GLDC: variants seen among roughly 807,000 people sequenced by gnomAD.
GLDC encodes glycine dehydrogenase (decarboxylating), mitochondrial.
GLDC carries 104 observed loss-of-function variants against 121.3 expected under a neutral mutation model. The observed-to-expected ratio is 0.86, with a 90% CI of 0.73 to 1.01. The LOEUF is 1.01. Among genes scored for constraint, GLDC ranks in the 50% least tolerant of loss-of-function variants. The probability of loss-of-function intolerance (pLI) is 0.00; values close to 1 mark genes in which losing one functional copy is unlikely to be tolerated. For missense variants in GLDC, 1,429 were observed against 1,306.6 expected (o/e 1.09, Z -1.44); for synonymous variants, 546 against 480.6 (o/e 1.14, Z -1.78).
intron 4 of GLDC, among the ~76,000 whole-genome samples, chr9:6,608,108 C>T (rs966957423): frequency 6.6e-6 from 1 of 151,770 alleles, no homozygotes; most frequent in Non-Finnish European, 1.5e-5. Flanking sequence ...CAAAGTCAAA[C>T]CCTGCCTCAA....
intron 21 of GLDC, among the ~76,000 whole-genome samples, chr9:6,543,387 T>G (rs58134529): frequency 1.3e-5 from 2 of 151,412 alleles, no homozygotes; most frequent in African/African-American, 4.8e-5. Context: ...AGAGACACAG[T>G]GGGGGAGGAG....
chr9:6,567,510 C>G (rs1044723488), intron 15 of GLDC: 6 of 152,224 alleles, frequency 3.9e-5, no homozygotes, highest in Admixed American at 3.3e-4. Flanking sequence ...AAATCCTGCC[C>G]ATTCTTCAAC....
intron 2 of GLDC, among the ~76,000 whole-genome samples, chr9:6,629,228 T>C (rs1475297210): frequency 2.0e-5 from 3 of 151,932 alleles, no homozygotes; most frequent in Non-Finnish European, 4.4e-5. Context: ...TTCATTTTTT[T>C]TTTTTTTGAG....
At chr9:6,590,996 T>C (rs893910207) in intron 11 of GLDC, among the ~76,000 whole-genome samples, 1 of 152,192 alleles carries the variant, frequency 6.6e-6, no homozygotes, top group African/African-American at 2.4e-5. Flanking sequence ...CATCTATCCA[T>C]TTAACAAATA....
intron 16 of GLDC, among the ~76,000 whole-genome samples, chr9:6,564,746 G>A (rs1328443605): frequency 1.3e-5 from 2 of 152,236 alleles, no homozygotes; most frequent in Non-Finnish European, 2.9e-5. Flanking sequence ...AGCGAGTGGT[G>A]TCCATTAGTA....
At chr9:6,608,673 G>A (rs1465229790) in intron 4 of GLDC, among the ~76,000 whole-genome samples, 1 of 152,124 alleles carries the variant, frequency 6.6e-6, no homozygotes, top group Non-Finnish European at 1.5e-5. Context: ...GTGAACCCGG[G>A]AGGCGGAGCT....
chr9:6,537,133 T>C lies in GLDC; in HGVS notation c.2666-897A>G, dbSNP rs143994934. 5.9e-4 allele frequency among the ~76,000 whole-genome samples: 89 copies of C among 151,638 alleles called. No individual in the cohort carries two copies. The East Asian group carries it at 0.015, about 25-fold the overall frequency. On this transcript the variant is annotated intron_variant, in intron 22 of 24. Transcript: ENST00000321612. ...GCAGCCTCAACCTCCTGGGCTCAAGTGATCCTCCCACCTAAGCCTTCCAAG... is the reference window on the plus strand; with the variant it reads ...GCAGCCTCAACCTCCTGGGCTCAAGCGATCCTCCCACCTAAGCCTTCCAAG...
intron 4 of GLDC, among the ~76,000 whole-genome samples, chr9:6,607,889 G>T (rs1316101057): frequency 1.3e-5 from 2 of 152,030 alleles, no homozygotes; most frequent in African/African-American, 2.4e-5. Flanking sequence ...TTGGGAGGCT[G>T]AGGTGGGTGG....
chr9:6,639,045 CA>C (rs1819571215), intron 2 of GLDC: 2 of 606,188 alleles, frequency 3.3e-6, no homozygotes, highest in East Asian at 5.7e-5. Flanking sequence ...GAGTGTCTTT[CA>C]ATAGTAGTCA....
rs140341774 is a variant in GLDC at position 6,636,326 on chromosome 9, G to A, written c.334+8288C>T. Among the ~76,000 whole-genome samples the A allele has an allele frequency of 1.3e-4, 20 of 152,064 alleles. No individual in the cohort carries two copies. In the East Asian group the frequency reaches 3.5e-3, roughly 27 times the overall value. On this transcript the variant is annotated intron_variant, in intron 2 of 24. Coordinates refer to ENST00000321612, the MANE Select transcript of GLDC (RefSeq NM_000170.3). ...CTCAAAAAAAAAAAAAACACTTTGG[G>A]TGATAATGATGCATTAATGTAGGTT...
intron 2 of GLDC, among the ~76,000 whole-genome samples, chr9:6,624,702 G>T (rs1819195206): frequency 6.6e-6 from 1 of 152,162 alleles, no homozygotes; most frequent in Non-Finnish European, 1.5e-5. Context: ...AAAGGCTCAG[G>T]TTGGTGGGGC....
chr9:6,588,609 A>G lies in GLDC; in HGVS notation c.1665+9T>C, dbSNP rs767138143. On this transcript the variant is annotated intron_variant, in intron 13 of 24. Transcript: ENST00000321612. The stretch of plus-strand genomic sequence containing the variant: ...CTTGGAAATGAGAAAAAAGGCCACA[A>G]ATAACTACCAGTGGAATCATGCTGT... The G allele has an allele frequency of 6.3e-7, 1 of 1,598,380 alleles. No individual in the cohort carries two copies. Among genetic ancestry groups the G allele is most frequent in the Non-Finnish European group, 8.6e-7 (1 of 1,165,680 alleles).
chr9:6,636,978 G>A (rs979288367), intron 2 of GLDC, among the ~76,000 whole-genome samples: 3 of 151,782 alleles, frequency 2.0e-5, no homozygotes, highest in African/African-American at 7.3e-5. Flanking sequence ...CAGCTACTCG[G>A]GAGGCTGAGG....
intron 2 of GLDC, among the ~76,000 whole-genome samples, chr9:6,629,957 A>ATATATATTTTTT: frequency 3.5e-4 from 29 of 83,036 alleles, no homozygotes; most frequent in African/African-American, 1.4e-3. Context: ...ATATATATAT[A>ATATATATTTTTT]TTTTTTTTTT....
At chr9:6,553,591 A>C in intron 19 of GLDC, 82 bp from the exon 20 acceptor site, 1 of 1,386,552 alleles carries the variant, frequency 7.2e-7, no homozygotes, top group Non-Finnish European at 1.0e-6. Flanking sequence ...CCTCCCAGAA[A>C]GCCTTGTTCT....
At position 6,606,048 on chromosome 9, in the gene GLDC, C is replaced by A. The variant is rs547906227; in HGVS notation, c.713+544G>T. On this transcript the variant is annotated intron_variant, in intron 5 of 24. Transcript: ENST00000321612. ...ACGGGCCGGGCGCAGTGGCTCAAGC[C>A]TGTAATCCCAGGACTTTGGGAGGCG... 5.0e-5 allele frequency: 8 copies of A among 160,120 alleles called. No homozygotes were observed. The South Asian group carries it at 1.4e-3, about 29-fold the overall frequency. 9.9% of individuals were successfully genotyped at this position (160,120 alleles called of 1,614,324 possible).
chr9:6,581,884 G>A (rs1029066924), intron 15 of GLDC, among the ~76,000 whole-genome samples: 2 of 152,148 alleles, frequency 1.3e-5, no homozygotes, highest in African/African-American at 4.8e-5. Flanking sequence ...TTCATGGAAT[G>A]ATAGGTAATG....
chr9:6,628,258 G>A (rs1819288657), intron 2 of GLDC, among the ~76,000 whole-genome samples: 1 of 152,184 alleles, frequency 6.6e-6, no homozygotes, highest in Admixed American at 6.5e-5. Context: ...AGTAAAAGAA[G>A]CATTCTGAGA....
At chr9:6,538,802 G>A (rs1033859267) in intron 22 of GLDC, among the ~76,000 whole-genome samples, 7 of 152,174 alleles carry the variant, frequency 4.6e-5, no homozygotes, top group Non-Finnish European at 1.0e-4. Flanking sequence ...TTCCTGAGTC[G>A]GCCATTACCC....
Sources: allele counts gnomAD v4.1 joint callset (sites outside exome capture counted in the v4.1 genomes callset), GRCh38; gene constraint gnomAD v4.1.1; transcripts MANE v1.5; gene names NCBI Gene and HGNC (gene_info 2026-07-23, HGNC 2026-07-21).